PPP6R2: variants seen among roughly 807,000 people sequenced by gnomAD.
PPP6R2 encodes protein phosphatase 6 regulatory subunit 2.
Under a neutral mutation model 100.2 loss-of-function variants are expected in PPP6R2, and 62 were observed. The ratio of observed to expected loss-of-function variants is 0.62; its 90% CI spans 0.50 to 0.76. PPP6R2 has a LOEUF of 0.76. Ranked by LOEUF, PPP6R2 falls within the 30% of genes least tolerant of loss-of-function variation. The probability of loss-of-function intolerance (pLI) is 0.00; values close to 1 mark genes in which losing one functional copy is unlikely to be tolerated. For missense variants in PPP6R2, 1,142 were observed against 1,276.3 expected (o/e 0.89, Z 1.60); for synonymous variants, 525 against 514.7 (o/e 1.02, Z -0.27).
chr22:50,418,611 C>T (rs1213766359), intron 6 of PPP6R2, among the ~76,000 whole-genome samples: 2 of 151,978 alleles, frequency 1.3e-5, no homozygotes, highest in African/African-American at 2.4e-5. Flanking sequence ...TGGTCTTGAT[C>T]TCCTGACCTG....
intron 3 of PPP6R2, among the ~76,000 whole-genome samples, chr22:50,395,030 A>G (rs919326862): frequency 3.3e-5 from 5 of 151,728 alleles, no homozygotes; most frequent in South Asian, 2.1e-4. Context: ...ATATGTTGGG[A>G]AAAAAAGACT....
intron 4 of PPP6R2, among the ~76,000 whole-genome samples, chr22:50,411,022 C>T (rs1271028057): frequency 6.6e-6 from 1 of 152,174 alleles, no homozygotes; most frequent in Admixed American, 6.5e-5. Flanking sequence ...AACTCCTGAC[C>T]TCAGGTGATC....
At chr22:50,380,680 G>T (rs1423733578) in intron 2 of PPP6R2, among the ~76,000 whole-genome samples, 4 of 149,608 alleles carry the variant, frequency 2.7e-5, no homozygotes, top group Non-Finnish European at 4.4e-5. Context: ...TCAACAACCA[G>T]TTCTCTTGGG....
chr22:50,332,358 GTA>G, the PPP6R2 span, among the ~76,000 whole-genome samples: 15 of 151,904 alleles, frequency 9.9e-5, no homozygotes, highest in East Asian at 2.9e-3. Flanking sequence ...AGCCTCCTGA[GTA>G]GCTGGGAGTA....
At position 50,404,599 on chromosome 22, in the gene PPP6R2, G is replaced by GTT. The variant is rs57447654; in HGVS notation, c.228-2073_228-2072dup. Among the ~76,000 whole-genome samples the GTT allele has an allele frequency of 1.7e-3, 201 of 120,162 alleles. 7 individuals carry two copies. Among genetic ancestry groups the GTT allele is most frequent in the African/African-American group, 5.5e-3 (173 of 31,228 alleles). 78.8% of individuals were successfully genotyped at this position (120,162 alleles called of 152,430 possible). ...CCTGGCTAATTTTTCTTTCTTTCTT[G>GTT]TTTTTTTTTTTTTTTTTTGGAGAGA... On this transcript the variant is annotated intron_variant, in intron 3 of 23. Transcript: ENST00000612753.
Position 50,444,411 on chromosome 22 carries a change from G to A in PPP6R2, c.*164G>A, listed in dbSNP as rs548204876. ...AAACCAGTTGGACGGCCCAGCTTGC[G>A]TCTCTTCTGCCTGAGTGGGCCTCTC... On this transcript the variant is annotated 3_prime_UTR_variant, in exon 24 of 24. Transcript: ENST00000612753. The A allele has an allele frequency of 5.0e-5, 47 of 947,232 alleles. No individual in the cohort carries two copies. Among genetic ancestry groups the A allele is most frequent in the African/African-American group, 1.2e-4 (7 of 59,682 alleles). 58.7% of individuals were successfully genotyped at this position (947,232 alleles called of 1,614,324 possible). A position where few individuals can be genotyped will look rare whatever the true frequency, so the allele number is the denominator to read the frequency against.
chr22:50,379,908 T>C (rs2052498497), intron 2 of PPP6R2, among the ~76,000 whole-genome samples: 1 of 152,128 alleles, frequency 6.6e-6, no homozygotes, highest in Non-Finnish European at 1.5e-5. Context: ...AGTAATATAA[T>C]AATATCTATG....
chr22:50,424,386 G>A (rs1013008654), intron 10 of PPP6R2, among the ~76,000 whole-genome samples: 5 of 149,814 alleles, frequency 3.3e-5, no homozygotes, highest in Non-Finnish European at 4.4e-5. Context: ...GTCCGTCCGC[G>A]TGTGGAAGGT....
intron 2 of PPP6R2, among the ~76,000 whole-genome samples, chr22:50,381,813 CAG>C (rs1391945559): frequency 1.3e-5 from 2 of 150,790 alleles, no homozygotes; most frequent in African/African-American, 4.9e-5. Context: ...GAGGCTGAGA[CAG>C]GAGAATGGCG....
intron 3 of PPP6R2, among the ~76,000 whole-genome samples, chr22:50,405,385 A>G (rs1164422298): frequency 7.4e-6 from 1 of 135,006 alleles, no homozygotes; most frequent in African/African-American, 2.9e-5. Flanking sequence ...GAGAGGCGAG[A>G]GGCCTGGCAG....
In PPP6R2 at chr22:50,440,050, G is replaced by C; in HGVS notation, c.2374+1G>C. 1 of 1,611,394 alleles carries C rather than the reference G, an allele frequency of 6.2e-7. No homozygotes were observed. Among genetic ancestry groups the C allele is most frequent in the Non-Finnish European group, 8.5e-7 (1 of 1,178,572 alleles). On this transcript the variant is annotated splice_donor_variant, in intron 21 of 23. Transcript: ENST00000612753. LOFTEE classifies it high-confidence loss of function. ...CGGAGCCAAGGCCCTGAGAAAGCCTGTGAGTAGGAGCAGTGCAGGCGGCAC... is the reference window on the plus strand; with the variant it reads ...CGGAGCCAAGGCCCTGAGAAAGCCTCTGAGTAGGAGCAGTGCAGGCGGCAC...
chr22:50,373,394 A>G (rs1415667376), intron 2 of PPP6R2, among the ~76,000 whole-genome samples: 1 of 151,592 alleles, frequency 6.6e-6, no homozygotes, highest in Non-Finnish European at 1.5e-5. Flanking sequence ...GGCACCCGCC[A>G]GCACGCCCGG....
chr22:50,419,505 C>T (rs911760706), intron 8 of PPP6R2, 43 bp downstream of exon 8: 2 of 1,409,798 alleles, frequency 1.4e-6, no homozygotes, highest in South Asian at 2.3e-5. Context: ...GAACTTGACG[C>T]CTCAGTGATA....
intron 2 of PPP6R2, among the ~76,000 whole-genome samples, chr22:50,385,004 C>G (rs147756801): frequency 5.3e-5 from 8 of 151,650 alleles, no homozygotes; most frequent in Non-Finnish European, 8.8e-5. Context: ...TGCCTTTAGC[C>G]TTCCATAGTT....
Position 50,423,139 on chromosome 22 carries a change from C to G in PPP6R2, c.973-323C>G, listed in dbSNP as rs1368038792. Among the ~76,000 whole-genome samples, 1 of 152,176 alleles carries G rather than the reference C, an allele frequency of 6.6e-6. No homozygotes were observed. The highest frequency in any genetic ancestry group is 1.5e-5 in the Non-Finnish European group (1 of 68,030). The stretch of plus-strand genomic sequence containing the variant: ...TCAGTGAGGCATCGTGCCAAGGGCT[C>G]TGGCCTTAGACCGGTACTGCTGGCC... On this transcript the variant is annotated intron_variant, in intron 9 of 23. Coordinates refer to ENST00000612753, the MANE Select transcript of PPP6R2 (RefSeq NM_001242898.2). The surrounding 1 kb of genome is among the most constrained non-coding windows in gnomAD (Gnocchi z 4.8).
intron 3 of PPP6R2, among the ~76,000 whole-genome samples, chr22:50,403,531 C>T (rs2147022351): frequency 6.6e-6 from 1 of 152,344 alleles, no homozygotes; most frequent in South Asian, 2.1e-4. Flanking sequence ...CAGACAAGGA[C>T]ACTAAAGGCC....
At chr22:50,398,359 G>C (rs1166182466) in intron 3 of PPP6R2, among the ~76,000 whole-genome samples, 1 of 151,348 alleles carries the variant, frequency 6.6e-6, no homozygotes, top group African/African-American at 2.4e-5. Context: ...TTTTAGTAGA[G>C]ACAGGGTTTC....
the PPP6R2 span, among the ~76,000 whole-genome samples, chr22:50,338,007 AGT>A: frequency 9.4e-5 from 9 of 95,692 alleles, no homozygotes; most frequent in Non-Finnish European, 1.4e-4. Context: ...GTGTGGGTAT[AGT>A]GTGTGTGGGG....
intron 1 of PPP6R2, among the ~76,000 whole-genome samples, chr22:50,365,273 G>T (rs367658544): frequency 1.3e-5 from 2 of 151,942 alleles, no homozygotes; most frequent in African/African-American, 4.8e-5. Flanking sequence ...GTTTCTTCAT[G>T]TTGGCCAGGC....
Sources: gnomAD v4.1 joint callset for allele counts (sites outside exome capture counted in the v4.1 genomes callset) on GRCh38, gnomAD v4.1.1 for gene constraint, Gnocchi (gnomAD v3.1) non-coding constraint, MANE v1.5 for transcripts, NCBI Gene and HGNC (gene_info 2026-07-23, HGNC 2026-07-21) for gene names.